Variants in HERC2 observed in about 807,000 individuals in gnomAD.
HERC2 encodes the protein E3 ubiquitin-protein ligase HERC2.
In HERC2, 102 loss-of-function variants were observed where a neutral mutation model predicts 537.7. The observed-to-expected ratio is 0.19, with a 90% confidence interval of 0.16 to 0.22. The LOEUF (loss-of-function observed/expected upper bound fraction) is 0.22, where lower values mean the gene tolerates loss of function less well. Among genes scored for constraint, HERC2 ranks in the 10% least tolerant of loss-of-function variants. The pLI is 1.00. For synonymous variants in HERC2, 2,224 were observed against 2,466.2 expected (o/e 0.90, Z 2.91); for missense variants, 4,236 against 6,198.2 (o/e 0.68, Z 10.63).
Position 28,124,191 on chromosome 15 carries a change from G to T in HERC2, c.13034C>A (p.Ala4345Glu), listed in dbSNP as rs150956191. ...YNHLQEIPII[A>E]LRNRLLLLHH... ...CAGCAGCAGCAGACGGTTCCTCAGC[G>T]CAATGATGGGGATCTCCTGCAGGTG... Residue 4345 changes from alanine to glutamate, a missense_variant, in exon 85 of 93, where the codon GCG becomes GAG. This residue lies in a region of HERC2 where 189 missense variants were observed against 255.7 expected (regional missense o/e 0.74). Transcript: ENST00000261609. 1 of 1,546,806 alleles carries T rather than the reference G, an allele frequency of 6.5e-7. No individual in the cohort carries two copies. Among genetic ancestry groups the T allele is most frequent in the Non-Finnish European group, 8.7e-7 (1 of 1,143,314 alleles).
intron 69 of HERC2, among the ~76,000 whole-genome samples, chr15:28,158,050 G>A (rs1893198001): frequency 6.6e-6 from 1 of 152,196 alleles, no homozygotes; most frequent in Non-Finnish European, 1.5e-5. Flanking sequence ...GCAGTTTTGA[G>A]TGAGTTTCTT....
chr15:28,119,121 G>A (rs1426422314), intron 86 of HERC2, among the ~76,000 whole-genome samples: 1 of 151,794 alleles, frequency 6.6e-6, no homozygotes, highest in South Asian at 2.1e-4. Context: ...TACAAAAAAG[G>A]CTGGGTGCGG....
rs1890563585 is a variant in HERC2, at chr15:28,135,678, C to T, written c.12030G>A (p.Gly4010=). Residue 4010 remains glycine (G), a synonymous_variant, in exon 79 of 93, where the codon GGG becomes GGA. Transcript: ENST00000261609. ...TGCCTAGTCTGCCACCTGCACCATA[C>T]CCAGTGGCATACAGCTAAGAAAAGA... ...VTADGKLYAT[G]YGAGGRLGIG... is the part of the protein sequence containing the mutation. The T allele has an allele frequency of 2.5e-6, 4 of 1,613,006 alleles. No homozygotes were observed. The highest frequency in any genetic ancestry group is 3.4e-6 in the Non-Finnish European group (4 of 1,179,296).
At chr15:28,255,406 C>T (rs550548914) in intron 19 of HERC2, among the ~76,000 whole-genome samples, 80 of 152,250 alleles carry the variant, frequency 5.3e-4, no homozygotes, top group African/African-American at 1.9e-3. Flanking sequence ...AGTACTACAC[C>T]TATAAAATGG....
chr15:28,201,858 C>T lies in HERC2; in HGVS notation c.7617+255G>A, dbSNP rs1260589353. On this transcript the variant is annotated intron_variant, in intron 47 of 92. Coordinates refer to ENST00000261609, the MANE Select transcript of HERC2 (RefSeq NM_004667.6). ...TAATAAAATATCTTCTAATGGCTAC[C>T]GAAGATCATGAGATGTTTGAACAAG... is the stretch of plus-strand genomic sequence containing the variant. 2.6e-5 allele frequency among the ~76,000 whole-genome samples: 4 copies of T among 151,670 alleles called. No individual in the cohort carries two copies. In the East Asian group the frequency reaches 5.8e-4, roughly 22 times the overall value.
Position 28,256,076 on chromosome 15 carries a change from TC to T in HERC2, c.2746+12del. The T allele has an allele frequency of 6.2e-7, 1 of 1,603,444 alleles. No individual in the cohort carries two copies. ...CTGACCCATGCCCTCTCCTGTTCCTTCCCCAGGCCCACCTGCGCAGGGCAGG... is the reference window on the plus strand; with the variant it reads ...CTGACCCATGCCCTCTCCTGTTCCTTCCCAGGCCCACCTGCGCAGGGCAGG... On this transcript the variant is annotated intron_variant, in intron 18 of 92. Coordinates refer to ENST00000261609, the MANE Select transcript of HERC2 (RefSeq NM_004667.6).
rs1456906451 is a variant in HERC2 at position 28,201,528 on chromosome 15, G to A, written c.7644C>T (p.Ser2548=). The A allele has an allele frequency of 2.5e-6, 4 of 1,612,884 alleles. No individual in the cohort carries two copies. Among genetic ancestry groups the A allele is most frequent in the Admixed American group, 1.7e-5 (1 of 59,994 alleles). The change falls in exon 48 of 93, where the codon AGC becomes AGT. Residue 2548 remains serine (S), a synonymous_variant. Coordinates refer to ENST00000261609, the MANE Select transcript of HERC2 (RefSeq NM_004667.6). ...AATCAGCTCGTTTTTTGTACGTCTG[G>A]CTCTCCGTCACAACAGCACCAGTAG... ...SMSTGAVVTE[S]QTYKKRADFL...
intron 2 of HERC2, among the ~76,000 whole-genome samples, chr15:28,308,019 C>T (rs2076839354): frequency 6.6e-6 from 1 of 150,996 alleles, no homozygotes; most frequent in African/African-American, 2.4e-5. Flanking sequence ...ATTATGAGAG[C>T]TTCGGCTATT....
chr15:28,179,086 T>C, intron 58 of HERC2, 56 bp from the exon 59 acceptor site: 7 of 1,601,978 alleles, frequency 4.4e-6, no homozygotes, highest in Non-Finnish European at 5.9e-6. Flanking sequence ...AAAAACTTTT[T>C]TGTTTTTTGG....
At chr15:28,276,683 G>T (rs2075882782) in intron 5 of HERC2, among the ~76,000 whole-genome samples, 1 of 151,494 alleles carries the variant, frequency 6.6e-6, no homozygotes, top group Non-Finnish European at 1.5e-5. Context: ...AGTAAGCCAA[G>T]ATCGCACCAC....
chr15:28,149,716 C>T (rs534093425), intron 70 of HERC2, among the ~76,000 whole-genome samples: 17 of 151,944 alleles, frequency 1.1e-4, no homozygotes, highest in Middle Eastern at 6.9e-3. Context: ...CATGAACGCA[C>T]GTTCTAGTAA....
At chr15:28,126,904 G>A (rs547009795) in intron 83 of HERC2, among the ~76,000 whole-genome samples, 38 of 152,270 alleles carry the variant, frequency 2.5e-4, no homozygotes, top group African/African-American at 6.5e-4. Flanking sequence ...AGAACATGCC[G>A]TTTCTGTTCA....
intron 69 of HERC2, among the ~76,000 whole-genome samples, chr15:28,162,211 T>C (rs188286778): frequency 7.4e-4 from 113 of 152,238 alleles, no homozygotes; most frequent in African/African-American, 2.6e-3. Context: ...ATGCCTGTAA[T>C]CCCAGCTACT....
At chr15:28,148,800 C>A (rs1259311698) in intron 70 of HERC2, among the ~76,000 whole-genome samples, 1 of 152,018 alleles carries the variant, frequency 6.6e-6, no homozygotes, top group East Asian at 1.9e-4. Context: ...CGAGAACGGC[C>A]ACACGAACGT....
intron 78 of HERC2, among the ~76,000 whole-genome samples, chr15:28,140,411 C>CTA (rs1322855244): frequency 6.6e-6 from 1 of 152,188 alleles, no homozygotes; most frequent in Non-Finnish European, 1.5e-5. Flanking sequence ...CTACGGCACT[C>CTA]TATAAAGAAG....
At chr15:28,159,033 ATTC>A (rs2142401695) in intron 69 of HERC2, among the ~76,000 whole-genome samples, 1 of 152,290 alleles carries the variant, frequency 6.6e-6, no homozygotes, top group Admixed American at 6.5e-5. Flanking sequence ...TGGGTTGAAA[ATTC>A]TTCTCTTTAA....
intron 35 of HERC2, among the ~76,000 whole-genome samples, chr15:28,222,752 A>C (rs1900659017): frequency 6.6e-6 from 1 of 152,098 alleles, no homozygotes; most frequent in African/African-American, 2.4e-5. Context: ...CTGTCTGTAC[A>C]AACAATGTGG....
At chr15:28,249,512 C>T (rs1466915763) in intron 20 of HERC2, among the ~76,000 whole-genome samples, 1 of 152,148 alleles carries the variant, frequency 6.6e-6, no homozygotes, top group African/African-American at 2.4e-5. Flanking sequence ...CACCAAGAAA[C>T]AAGGGCAGGA....
At chr15:28,192,789 C>G (rs1290748585) in intron 52 of HERC2, among the ~76,000 whole-genome samples, 1 of 152,074 alleles carries the variant, frequency 6.6e-6, no homozygotes, top group Non-Finnish European at 1.5e-5. Context: ...ATTTTGACAG[C>G]CTCGTGAAGG....
Sources: gnomAD v4.1 joint callset for allele counts (sites outside exome capture counted in the v4.1 genomes callset) on GRCh38, gnomAD v4.1.1 for gene constraint, gnomAD v4.1.1 regional missense constraint, MANE v1.5 for transcripts, NCBI Gene and HGNC (gene_info 2026-07-23, HGNC 2026-07-21) for gene names.